The following SLC24A3 variants were observed in gnomAD, a reference collection of about 807,000 sequenced individuals.
SLC24A3 encodes the protein sodium/potassium/calcium exchanger 3.
SLC24A3 carries 28 observed loss-of-function variants against 75.8 expected under a neutral mutation model. The observed-to-expected ratio is 0.37, with a 90% confidence interval of 0.27 to 0.51. SLC24A3 has a LOEUF of 0.51. Ranked by LOEUF, SLC24A3 falls within the 20% of genes least tolerant of loss-of-function variation. The probability of loss-of-function intolerance (pLI) is 0.94; values close to 1 mark genes in which losing one functional copy is unlikely to be tolerated. For missense variants in SLC24A3, 663 were observed against 847.8 expected (o/e 0.78, Z 2.71); for synonymous variants, 372 against 334.1 (o/e 1.11, Z -1.24).
intron 15 of SLC24A3, among the ~76,000 whole-genome samples, chr20:19,708,363 A>G (rs895836239): frequency 3.3e-5 from 5 of 152,196 alleles, no homozygotes; most frequent in African/African-American, 1.2e-4. Context: ...TGTGGAATGA[A>G]TCAATGAACC....
chr20:19,570,919 G>A (rs981689297), intron 3 of SLC24A3, among the ~76,000 whole-genome samples: 2 of 152,136 alleles, frequency 1.3e-5, no homozygotes, highest in Non-Finnish European at 2.9e-5. Context: ...GGGGCTTATG[G>A]ACCCCAGGAT....
chr20:19,639,857 C>T (rs2032052210), intron 6 of SLC24A3, among the ~76,000 whole-genome samples: 1 of 152,248 alleles, frequency 6.6e-6, no homozygotes, highest in African/African-American at 2.4e-5. Context: ...TTACACCCTC[C>T]GCAGCCGCTG....
chr20:19,446,180 G>T (rs767699141), intron 2 of SLC24A3, among the ~76,000 whole-genome samples: 7 of 152,174 alleles, frequency 4.6e-5, no homozygotes, highest in Non-Finnish European at 8.8e-5. Flanking sequence ...TAATGGCAAA[G>T]AAAGCTTATT....
intron 15 of SLC24A3, among the ~76,000 whole-genome samples, chr20:19,716,156 C>G (rs548184964): frequency 1.3e-5 from 2 of 152,160 alleles, no homozygotes; most frequent in Non-Finnish European, 2.9e-5. Context: ...AACAAGTTCC[C>G]GAGAGCTGCT....
rs187357499 is a variant in SLC24A3, at chr20:19,664,541, G to A, written c.688-1323G>A. On this transcript the variant is annotated intron_variant, in intron 7 of 16. Transcript: ENST00000328041. ...ATAATTGGAAAGAGTTGCTTTATGC[G>A]CTTTGTGACTGGTGCCCTGAGGTGT... Among the ~76,000 whole-genome samples, 10 of 152,270 alleles carry A rather than the reference G, an allele frequency of 6.6e-5. No individual in the cohort carries two copies. In the East Asian group the frequency reaches 9.7e-4, roughly 15 times the overall value.
intron 2 of SLC24A3, among the ~76,000 whole-genome samples, chr20:19,445,563 C>G (rs1367479438): frequency 1.3e-5 from 2 of 152,196 alleles, no homozygotes; most frequent in Admixed American, 1.3e-4. Context: ...AGAAAGTTAT[C>G]ACTTTGGACA....
rs1428820137 is a variant in SLC24A3 at position 19,376,818 on chromosome 20, C to T, written c.271+95731C>T. Among the ~76,000 whole-genome samples the T allele has an allele frequency of 2.0e-5, 3 of 152,282 alleles. No individual in the cohort carries two copies. The East Asian group carries it at 5.8e-4, about 29-fold the overall frequency. Reference sequence around the variant, plus strand: ...CCTAATTATTTCTGGATGAAAAGTCCTGCAGGCGAGTGGAGATTCGGGGCA... The same window carrying T: ...CCTAATTATTTCTGGATGAAAAGTCTTGCAGGCGAGTGGAGATTCGGGGCA... On this transcript the variant is annotated intron_variant, in intron 2 of 16. Coordinates refer to ENST00000328041, the MANE Select transcript of SLC24A3 (RefSeq NM_020689.4).
At chr20:19,287,904 C>T (rs1983853448) in intron 2 of SLC24A3, among the ~76,000 whole-genome samples, 1 of 152,168 alleles carries the variant, frequency 6.6e-6, no homozygotes, top group African/African-American at 2.4e-5. Flanking sequence ...TCATTTCCAC[C>T]CTCTGTAAAA....
At chr20:19,362,570 T>G (rs965161601) in intron 2 of SLC24A3, among the ~76,000 whole-genome samples, 1 of 152,264 alleles carries the variant, frequency 6.6e-6, no homozygotes, top group Non-Finnish European at 1.5e-5. Flanking sequence ...GCAGTCACCA[T>G]GACGTTTCTG....
At chr20:19,457,034 G>A (rs768951783) in intron 2 of SLC24A3, among the ~76,000 whole-genome samples, 19 of 152,176 alleles carry the variant, frequency 1.2e-4, no homozygotes, top group South Asian at 2.1e-4. Context: ...TGGCTCCTCC[G>A]TGAGCTATCT....
intron 2 of SLC24A3, among the ~76,000 whole-genome samples, chr20:19,442,478 C>T (rs1987312518): frequency 1.3e-5 from 2 of 152,136 alleles, no homozygotes; most frequent in South Asian, 2.1e-4. Flanking sequence ...GGAATCTTTT[C>T]GTATGCTCAT....
At chr20:19,266,527 G>A (rs1224081232) in intron 1 of SLC24A3, among the ~76,000 whole-genome samples, 1 of 152,222 alleles carries the variant, frequency 6.6e-6, no homozygotes, top group African/African-American at 2.4e-5. Flanking sequence ...CAGCCTGAGA[G>A]AAAACAGCAG....
At chr20:19,655,979 T>C (rs1256141769) in intron 7 of SLC24A3, among the ~76,000 whole-genome samples, 1 of 152,176 alleles carries the variant, frequency 6.6e-6, no homozygotes, top group Non-Finnish European at 1.5e-5. Flanking sequence ...CTGGCTCTCA[T>C]GACCTGGGAG....
intron 2 of SLC24A3, among the ~76,000 whole-genome samples, chr20:19,399,812 G>T (rs6046052): frequency 0.011 from 1,620 of 152,244 alleles, 27 homozygotes; most frequent in African/African-American, 0.036. Flanking sequence ...CTAGCTTTCT[G>T]TCTACTTGTT....
chr20:19,560,047 C>G (rs6035375), intron 3 of SLC24A3, among the ~76,000 whole-genome samples: 89,674 of 151,992 alleles, frequency 0.59, 28,131 homozygotes, highest in Non-Finnish European at 0.68. Context: ...TAATAATTGT[C>G]TCTCATGACA....
chr20:19,644,817 A>G (rs1459682007), intron 6 of SLC24A3, among the ~76,000 whole-genome samples: 8 of 152,344 alleles, frequency 5.3e-5, no homozygotes, highest in Admixed American at 4.6e-4. Context: ...AAATGCCAAG[A>G]ACTGAAAAGG....
At chr20:19,543,875 C>T (rs2030543987) in intron 3 of SLC24A3, among the ~76,000 whole-genome samples, 1 of 152,192 alleles carries the variant, frequency 6.6e-6, no homozygotes, top group African/African-American at 2.4e-5. Flanking sequence ...TTTATCTTAA[C>T]AGACATTCCA....
At chr20:19,260,136 C>T (rs949584369) in intron 1 of SLC24A3, among the ~76,000 whole-genome samples, 2 of 152,086 alleles carry the variant, frequency 1.3e-5, no homozygotes, top group African/African-American at 2.4e-5. Context: ...TTCTTTTTCT[C>T]TTTTTTCCCA....
At chr20:19,336,387 C>A (rs370341536) in intron 2 of SLC24A3, among the ~76,000 whole-genome samples, 1 of 152,034 alleles carries the variant, frequency 6.6e-6, no homozygotes, top group Admixed American at 6.6e-5. Flanking sequence ...CTGCCCTGGG[C>A]ATTTTTTATT....
Sources: gnomAD v4.1 joint callset for allele counts (sites outside exome capture counted in the v4.1 genomes callset) on GRCh38, gnomAD v4.1.1 for gene constraint, MANE v1.5 for transcripts, NCBI Gene and HGNC (gene_info 2026-07-23, HGNC 2026-07-21) for gene names.